The following HDAC4 variants were observed in gnomAD, a reference collection of about 807,000 sequenced individuals.
HDAC4 encodes histone deacetylase A.
A neutral mutation model predicts 135.1 loss-of-function variants in HDAC4; 16 were observed. The observed-to-expected ratio is 0.12, with a 90% CI of 0.08 to 0.18. The LOEUF is 0.18. HDAC4 is among the 10% of genes least tolerant of loss of function. The pLI is 1.00. For synonymous variants in HDAC4, 685 were observed against 653.4 expected (o/e 1.05, Z -0.74); for missense variants, 1,143 against 1,511.8 (o/e 0.76, Z 4.05).
At chr2:239,336,313 G>C (rs953929210) in intron 2 of HDAC4, among the ~76,000 whole-genome samples, 1 of 152,148 alleles carries the variant, frequency 6.6e-6, no homozygotes, top group Non-Finnish European at 1.5e-5. Context: ...TCTTCCTTTT[G>C]GGAGAGTTCA....
chr2:239,324,140 A>C (rs2053400159), intron 2 of HDAC4, among the ~76,000 whole-genome samples: 1 of 152,230 alleles, frequency 6.6e-6, no homozygotes, highest in South Asian at 2.1e-4. Flanking sequence ...AACGCACATA[A>C]ATAAGAAATC....
In HDAC4 at chr2:239,115,168, G is replaced by C. The variant is rs2152809642; in HGVS notation, c.1676C>G (p.Ala559Gly). The C allele has an allele frequency of 1.9e-6, 3 of 1,611,060 alleles. No homozygotes were observed. Among genetic ancestry groups the C allele is most frequent in the East Asian group, 2.2e-5 (1 of 44,878 alleles). ...LPGQKEAHAQ[A>G]GVQVKQEPIE... ...GGGCTCCTGCTTCACCTGCACGCCG[G>C]CCTGTGCGTGCGCCTCCTTCTGCCC... is the stretch of plus-strand genomic sequence containing the variant. Residue 559 changes from alanine to glycine, a missense_variant, in exon 13 of 27, where the codon GCC becomes GGC. By Grantham distance (60) the Ala-to-Gly change is moderately conservative. Coordinates refer to ENST00000543185, the MANE Select transcript of HDAC4 (RefSeq NM_001378414.1). The surrounding 1 kb of genome is among the most constrained non-coding windows in gnomAD (Gnocchi z 6.3).
intron 1 of HDAC4, among the ~76,000 whole-genome samples, chr2:239,370,290 A>C (rs1278226229): frequency 1.3e-5 from 2 of 152,214 alleles, no homozygotes; most frequent in East Asian, 3.8e-4. Flanking sequence ...CACAGCTCTG[A>C]AATGTTCCAA....
chr2:239,240,259 A>G lies in HDAC4; in HGVS notation c.23-3595T>C, dbSNP rs1005867300. Reference sequence around the variant, plus strand: ...TAAACAAAGCGTGGCCAGTGGGGCAAAGAACGTCTGTCACCAGGGTGAAAT... The same window carrying G: ...TAAACAAAGCGTGGCCAGTGGGGCAGAGAACGTCTGTCACCAGGGTGAAAT... On this transcript the variant is annotated intron_variant, in intron 2 of 26. Transcript: ENST00000543185. The surrounding 1 kb of genome is among the most constrained non-coding windows in gnomAD (Gnocchi z 4.5). Among the ~76,000 whole-genome samples the G allele has an allele frequency of 6.6e-6, 1 of 152,244 alleles. No homozygotes were observed. The highest frequency in any genetic ancestry group is 1.5e-5 in the Non-Finnish European group (1 of 68,042).
At chr2:239,178,082 C>T (rs902965996) in intron 4 of HDAC4, among the ~76,000 whole-genome samples, 2 of 152,268 alleles carry the variant, frequency 1.3e-5, no homozygotes, top group African/African-American at 4.8e-5. Context: ...TCTGCACACA[C>T]TTTCCTCGGC....
chr2:239,122,991 C>T (rs7574691), intron 12 of HDAC4, among the ~76,000 whole-genome samples: 127,916 of 152,126 alleles, frequency 0.84, 54,026 homozygotes, highest in East Asian at 0.92. Flanking sequence ...CGGCCCTGGG[C>T]AAGATTCTTG....
At chr2:239,214,393 A>G (rs1000092944) in intron 3 of HDAC4, among the ~76,000 whole-genome samples, 2 of 152,136 alleles carry the variant, frequency 1.3e-5, no homozygotes, top group Admixed American at 6.5e-5. Context: ...ATCCAGGACA[A>G]CCTCCTCATC....
At chr2:239,279,000 G>T (rs540641505) in intron 2 of HDAC4, among the ~76,000 whole-genome samples, 67 of 152,322 alleles carry the variant, frequency 4.4e-4, no homozygotes, top group African/African-American at 1.6e-3. Flanking sequence ...AGACTATGCT[G>T]CCGGCAGGAC....
chr2:239,335,508 C>CAAA (rs61007856), intron 2 of HDAC4, among the ~76,000 whole-genome samples: 837 of 57,570 alleles, frequency 0.015, no homozygotes, highest in Non-Finnish European at 0.024. Flanking sequence ...ATCTGTTCAG[C>CAAA]AAAAAAAAAA....
intron 3 of HDAC4, among the ~76,000 whole-genome samples, chr2:239,208,190 GGTCGTGGGTGCCTGTA>G (rs1044629112): frequency 6.6e-6 from 1 of 151,480 alleles, no homozygotes; most frequent in African/African-American, 2.4e-5. Flanking sequence ...AGCCGGGTGC[GGTCGTGGGTGCCTGTA>G]GTCCCAGCTA....
chr2:239,155,254 C>T (rs369027119), intron 7 of HDAC4, among the ~76,000 whole-genome samples: 7 of 151,930 alleles, frequency 4.6e-5, no homozygotes, highest in South Asian at 2.1e-4. Flanking sequence ...GGAACATGGC[C>T]GGCCTGATAT....
At chr2:239,392,418 G>C (rs1696290552) in intron 1 of HDAC4, among the ~76,000 whole-genome samples, 3 of 152,188 alleles carry the variant, frequency 2.0e-5, no homozygotes, top group Admixed American at 2.0e-4. Flanking sequence ...GATTTTTTCA[G>C]TGCAAAATCT....
intron 3 of HDAC4, among the ~76,000 whole-genome samples, chr2:239,191,938 C>T (rs960163581): frequency 3.3e-5 from 5 of 152,216 alleles, no homozygotes; most frequent in Non-Finnish European, 7.3e-5. Context: ...GCACGGGCTG[C>T]CTCGTTGTTA....
intron 5 of HDAC4, among the ~76,000 whole-genome samples, 169 bp from the exon 6 acceptor site, chr2:239,164,092 T>G (rs2042985061): frequency 6.6e-6 from 1 of 152,210 alleles, no homozygotes; most frequent in Non-Finnish European, 1.5e-5. Flanking sequence ...GGAGGGGTTT[T>G]AATGAGAGGT....
intron 1 of HDAC4, among the ~76,000 whole-genome samples, chr2:239,372,722 C>T (rs1286063420): frequency 6.6e-6 from 1 of 152,254 alleles, no homozygotes; most frequent in Non-Finnish European, 1.5e-5. Flanking sequence ...TCTCTCTTTC[C>T]TGCTCTCTCC....
intron 2 of HDAC4, among the ~76,000 whole-genome samples, chr2:239,330,039 T>C (rs1367040839): frequency 6.6e-6 from 1 of 152,190 alleles, no homozygotes; most frequent in African/African-American, 2.4e-5. Context: ...GCCCCTGCCC[T>C]CCAAGCCCAA....
At chr2:239,148,255 A>T (rs2041891004) in intron 7 of HDAC4, among the ~76,000 whole-genome samples, 1 of 152,206 alleles carries the variant, frequency 6.6e-6, no homozygotes, top group South Asian at 2.1e-4. Flanking sequence ...GACAAAAACT[A>T]AAGTGCAGAA....
chr2:239,081,083 C>A lies in HDAC4; in HGVS notation c.2750+12G>T, dbSNP rs552686828. On this transcript the variant is annotated intron_variant, in intron 22 of 26. Coordinates refer to ENST00000543185, the MANE Select transcript of HDAC4 (RefSeq NM_001378414.1). Reference sequence around the variant, plus strand: ...TGCTACTTCAGGTGTCATGTGAAGCCGGGAGGCTCACCTGAAGGCCGCCAA... The same window carrying A: ...TGCTACTTCAGGTGTCATGTGAAGCAGGGAGGCTCACCTGAAGGCCGCCAA... The A allele has an allele frequency of 1.9e-6, 3 of 1,599,162 alleles. No individual in the cohort carries two copies. The Admixed American group carries it at 5.0e-5, about 27-fold the overall frequency.
intron 5 of HDAC4, among the ~76,000 whole-genome samples, chr2:239,174,087 T>A (rs1263624821): frequency 6.6e-6 from 1 of 151,918 alleles, no homozygotes; most frequent in East Asian, 1.9e-4. Context: ...TACAATCAGC[T>A]CCTAGGAGAT....
Sources: gnomAD v4.1 joint callset for allele counts (sites outside exome capture counted in the v4.1 genomes callset) on GRCh38, gnomAD v4.1.1 for gene constraint, Gnocchi (gnomAD v3.1) non-coding constraint, MANE v1.5 for transcripts, NCBI Gene and HGNC (gene_info 2026-07-23, HGNC 2026-07-21) for gene names.